DNAH1: variants seen among roughly 807,000 people sequenced by gnomAD.
The protein encoded by DNAH1 is axonemal beta dynein heavy chain 1.
DNAH1 carries 327 observed loss-of-function variants against 484.3 expected under a neutral mutation model. That is an observed-to-expected ratio of 0.68 (90% CI 0.62 to 0.74). The LOEUF (loss-of-function observed/expected upper bound fraction) is 0.74. DNAH1 is among the 30% of genes least tolerant of loss of function. The probability of loss-of-function intolerance (pLI) is 0.00; values close to 1 mark genes in which losing one functional copy is unlikely to be tolerated. For missense variants in DNAH1, 5,052 were observed against 5,546.8 expected (o/e 0.91, Z 2.83); for synonymous variants, 2,192 against 2,191.9 (o/e 1.00, Z 0.00).
upstream of DNAH1, among the ~76,000 whole-genome samples, chr3:52,313,428 C>T (rs142451208): frequency 1.3e-5 from 2 of 152,292 alleles, no homozygotes; most frequent in Non-Finnish European, 2.9e-5. Flanking sequence ...GTCTTTGTCT[C>T]ATGGTCTTTT....
chr3:52,391,344 T>A lies in DNAH1; in HGVS notation c.9891+16T>A. On this transcript the variant is annotated intron_variant, in intron 62 of 77. Transcript: ENST00000420323. ...GCTCAAGCAGGTGGGTCTGCAGTGG[T>A]GATGGCAGGGTGGCAGTAGGCCTGG... 12 of 1,602,556 alleles carry A rather than the reference T, an allele frequency of 7.5e-6. No individual in the cohort carries two copies. Among genetic ancestry groups the A allele is most frequent in the Non-Finnish European group, 1.0e-5 (12 of 1,174,612 alleles).
chr3:52,392,430 G>C, intron 63 of DNAH1, 34 bp from the exon 64 acceptor site: 1 of 1,601,766 alleles, frequency 6.2e-7, no homozygotes, highest in Non-Finnish European at 8.5e-7. Flanking sequence ...GGCCCACCAG[G>C]TATTACAGAC....
chr3:52,352,243 A>G lies in DNAH1; in HGVS notation c.2871+140A>G, dbSNP rs145044868. The G allele has an allele frequency of 3.8e-4, 484 of 1,264,674 alleles. 1 individual carries two copies. In the African/African-American group the frequency reaches 6.5e-3, roughly 17 times the overall value. The allele number at this position is 1,264,674 out of a possible 1,614,324, so 78.3% of individuals were successfully genotyped here. A position where few individuals can be genotyped will look rare whatever the true frequency, so the allele number is the denominator to read the frequency against. On this transcript the variant is annotated intron_variant, in intron 17 of 77. Coordinates refer to ENST00000420323, the MANE Select transcript of DNAH1 (RefSeq NM_015512.5). ...GGGCGGGCAGATGGATGAATGAATA[A>G]ATGGCTGAAAGAATGAACGCAAAGG...
At position 52,381,738 on chromosome 3, in the gene DNAH1, T is replaced by C; in HGVS notation, c.7707T>C (p.Cys2569=). Residue 2569 remains cysteine, a synonymous_variant, in exon 49 of 78, where the codon TGT becomes TGC. Transcript: ENST00000420323. This position sits in a 1 kb window ranked among gnomAD's most constrained non-coding sequence, Gnocchi z 4.1. ...VLFMDAMSHI[C]RISRTLRQAL... is the part of the protein sequence containing the mutation. ...TCATGGACGCCATGAGCCACATCTG[T>C]CGCATCAGCCGCACCCTACGCCAGG... The C allele has an allele frequency of 6.2e-7, 1 of 1,605,906 alleles. No individual in the cohort carries two copies. The highest frequency in any genetic ancestry group is 8.5e-7 in the Non-Finnish European group (1 of 1,176,972).
At chr3:52,399,518 G>T (rs200416713) in intron 76 of DNAH1, 27 bp from the exon 77 acceptor site, 34 of 1,571,126 alleles carry the variant, frequency 2.2e-5, no homozygotes, top group Non-Finnish European at 2.6e-6. Context: ...TGTTATGTGT[G>T]TGGGGTGTGT....
chr3:52,347,540 T>G (rs1559510013), intron 11 of DNAH1, among the ~76,000 whole-genome samples: 1 of 150,490 alleles, frequency 6.6e-6, no homozygotes, highest in African/African-American at 2.5e-5. Flanking sequence ...GGGGAGAGAG[T>G]GGGGGCTACA....
In DNAH1 at chr3:52,352,012, TGCA is replaced by T. The variant is rs1284472509; in HGVS notation, c.2790_2792del (p.Gln930del). 1 of 1,600,608 alleles carries T rather than the reference TGCA, an allele frequency of 6.2e-7. No homozygotes were observed. The highest frequency in any genetic ancestry group is 1.1e-5 in the South Asian group (1 of 88,140). ...AAGATCCTTGGGCAGATAGAGCTGG[TGCA>T]GCAGCAGCATGTGGAGGATGAGGAG... On this transcript the variant is annotated inframe_deletion, in exon 17 of 78. Coordinates refer to ENST00000420323, the MANE Select transcript of DNAH1 (RefSeq NM_015512.5).
In DNAH1 at chr3:52,398,854, A is replaced by T; in HGVS notation, c.12094A>T (p.Asn4032Tyr). ...CTCTTGCCACTGGCCTCACAGGTAC[A>T]ATCGGCTGCTGCAGGTGATCACACA... The part of the protein sequence containing the change: ...TVLVQEVIRY[N>Y]RLLQVITQTL... The change falls in exon 76 of 78, where the codon AAT becomes TAT. Residue 4032 changes from asparagine (N) to tyrosine (Y), a missense_variant. Transcript: ENST00000420323. 1 of 1,540,360 alleles carries T rather than the reference A, an allele frequency of 6.5e-7. No homozygotes were observed.
chr3:52,396,557 A>G lies in DNAH1; in HGVS notation c.11430+19A>G. ...CCACAAGGTGAGGCACACTTGGTGC[A>G]GGCCTACCCTACCTGCCCCCGTCCC... On this transcript the variant is annotated intron_variant, in intron 71 of 77. Transcript: ENST00000420323. 2 of 1,611,998 alleles carry G rather than the reference A, an allele frequency of 1.2e-6. No individual in the cohort carries two copies. The highest frequency in any genetic ancestry group is 1.7e-6 in the Non-Finnish European group (2 of 1,178,626).
chr3:52,370,545 C>G lies in DNAH1; in HGVS notation c.6327C>G (p.Phe2109Leu), dbSNP rs1022926843. ...IVELIEPWFIFSLIWSVGATG... is the reference protein window; with the variant it reads ...IVELIEPWFILSLIWSVGATG... Reference sequence around the variant, plus strand: ...AGTTGATCGAGCCCTGGTTCATCTTCTCCCTGATCTGGAGCGTGGGTGCCA... The same window carrying G: ...AGTTGATCGAGCCCTGGTTCATCTTGTCCCTGATCTGGAGCGTGGGTGCCA... Residue 2109 changes from phenylalanine to leucine, a missense_variant, in exon 40 of 78, where the codon TTC becomes TTG. Physicochemically the swap from Phe to Leu is conservative, Grantham distance 22. This residue lies in a region of DNAH1 where 2,929 missense variants were observed against 3,409.4 expected (regional missense o/e 0.86). Coordinates refer to ENST00000420323, the MANE Select transcript of DNAH1 (RefSeq NM_015512.5). The G allele has an allele frequency of 6.2e-7, 1 of 1,614,008 alleles. No homozygotes were observed. The highest frequency in any genetic ancestry group is 1.7e-5 in the Admixed American group (1 of 60,018).
intron 32 of DNAH1, among the ~76,000 whole-genome samples, chr3:52,363,647 GC>G: frequency 6.6e-6 from 1 of 152,266 alleles, no homozygotes; most frequent in South Asian, 2.1e-4. Flanking sequence ...TCCCAAACAG[GC>G]CCCCACTTTG....
In DNAH1 at chr3:52,357,988, C is replaced by G. The variant is rs769397907; in HGVS notation, c.4071C>G (p.Phe1357Leu). 1 of 1,609,744 alleles carries G rather than the reference C, an allele frequency of 6.2e-7. No homozygotes were observed. Among genetic ancestry groups the G allele is most frequent in the Non-Finnish European group, 8.5e-7 (1 of 1,177,424 alleles). ...TGCAGCCACACCTGCGCAAGTGCTT[C>G]GAGAACATCGCTCGGGTGGGCAGCT... ...TAVQPHLRKC[F>L]ENIARLLFQE... The change falls in exon 24 of 78, where the codon TTC (phenylalanine) becomes TTG (leucine). Residue 1357 changes from phenylalanine (F) to leucine (L), a missense_variant. Phe to Leu is a conservative substitution (Grantham distance 22). This residue lies in a region of DNAH1 where 2,929 missense variants were observed against 3,409.4 expected (regional missense o/e 0.86). Coordinates refer to ENST00000420323, the MANE Select transcript of DNAH1 (RefSeq NM_015512.5).
chr3:52,372,444 G>T, intron 43 of DNAH1, 57 bp downstream of exon 43: 1 of 1,595,588 alleles, frequency 6.3e-7, no homozygotes, highest in South Asian at 1.1e-5. Context: ...GGCCGATCCA[G>T]CTGCTGTCCC....
chr3:52,314,343 TC>T (rs1046368027), upstream of DNAH1, among the ~76,000 whole-genome samples: 1 of 151,976 alleles, frequency 6.6e-6, no homozygotes, highest in African/African-American at 2.4e-5. Context: ...CCAACAGGCA[TC>T]CCCCCCTTGG....
intron 8 of DNAH1, among the ~76,000 whole-genome samples, chr3:52,339,840 G>A (rs1383571283): frequency 2.0e-5 from 3 of 151,660 alleles, no homozygotes; most frequent in Admixed American, 2.0e-4. Flanking sequence ...GTACACACGT[G>A]CTGGGGAGAG....
chr3:52,398,271 C>T, intron 75 of DNAH1, 109 bp downstream of exon 75: 1 of 1,342,966 alleles, frequency 7.4e-7, no homozygotes, highest in Non-Finnish European at 9.9e-7. Flanking sequence ...TACACATCCT[C>T]TAACTCAGCT....
chr3:52,380,224 C>T, intron 48 of DNAH1, 89 bp downstream of exon 48: 1 of 1,146,970 alleles, frequency 8.7e-7, no homozygotes, highest in Non-Finnish European at 1.2e-6. Context: ...TCACCACTAA[C>T]AGACTACCAC....
At chr3:52,375,922 C>G in intron 45 of DNAH1, 33 bp from the exon 46 acceptor site, 1 of 1,611,154 alleles carries the variant, frequency 6.2e-7, no homozygotes, top group Non-Finnish European at 8.5e-7. Context: ...TCCACCTAAC[C>G]CTGAGCCCCG....
At chr3:52,346,813 T>C in intron 11 of DNAH1, 43 bp downstream of exon 11, 3 of 1,557,200 alleles carry the variant, frequency 1.9e-6, no homozygotes, top group African/African-American at 2.7e-5. Context: ...CACCAGGTGA[T>C]GTGTCACCTG....
Sources: gnomAD v4.1 joint callset for allele counts (sites outside exome capture counted in the v4.1 genomes callset) on GRCh38, gnomAD v4.1.1 for gene constraint, gnomAD v4.1.1 regional missense constraint, Gnocchi (gnomAD v3.1) non-coding constraint, MANE v1.5 for transcripts, NCBI Gene and HGNC (gene_info 2026-07-23, HGNC 2026-07-21) for gene names.